The following HDAC5 variants were observed in gnomAD, a reference collection of about 807,000 sequenced individuals.
The protein encoded by HDAC5 is antigen NY-CO-9.
HDAC5 carries 25 observed loss-of-function variants against 133.3 expected under a neutral mutation model. That is an observed-to-expected ratio of 0.19 (90% CI 0.14 to 0.26). The LOEUF (loss-of-function observed/expected upper bound fraction) is 0.26. Among genes scored for constraint, HDAC5 ranks in the 10% least tolerant of loss-of-function variants. The probability of loss-of-function intolerance (pLI) is 1.00; values close to 1 mark genes in which losing one functional copy is unlikely to be tolerated. For missense variants in HDAC5, 1,041 were observed against 1,460.5 expected (o/e 0.71, Z 4.68); for synonymous variants, 589 against 610.8 (o/e 0.96, Z 0.53).
intron 3 of HDAC5, among the ~76,000 whole-genome samples, chr17:44,095,757 G>A (rs538650701): frequency 6.6e-6 from 1 of 152,060 alleles, no homozygotes; most frequent in African/African-American, 2.4e-5. Context: ...GAGGTGGGAG[G>A]AGGAGACAGG....
chr17:44,097,746 G>T (rs764668691), intron 3 of HDAC5, among the ~76,000 whole-genome samples: 17 of 152,260 alleles, frequency 1.1e-4, no homozygotes, highest in Non-Finnish European at 2.2e-4. Context: ...GCCCAGGGAA[G>T]GGCAGAGGTC....
intron 11 of HDAC5, among the ~76,000 whole-genome samples, chr17:44,089,212 C>G (rs1199484607): frequency 6.6e-6 from 1 of 152,226 alleles, no homozygotes; most frequent in East Asian, 1.9e-4. Context: ...ACCAAAATAT[C>G]TCATTGGTAA....
intron 9 of HDAC5, 88 bp downstream of exon 9, chr17:44,092,084 G>A (rs2143264058): frequency 8.2e-7 from 1 of 1,215,244 alleles, no homozygotes; most frequent in East Asian, 2.4e-5. Context: ...GGGCACTCAG[G>A]CAGACAGACT....
At chr17:44,108,761 AC>A (rs200192213) in intron 3 of HDAC5, among the ~76,000 whole-genome samples, 50,570 of 102,982 alleles carry the variant, frequency 0.49, 13,322 homozygotes, top group South Asian at 0.75. Context: ...CAAAAAAAAA[AC>A]AAAAAAAAAA....
chr17:44,085,219 A>G, intron 14 of HDAC5, 64 bp from the exon 15 acceptor site: 1 of 1,474,614 alleles, frequency 6.8e-7, no homozygotes, highest in Non-Finnish European at 9.2e-7. Context: ...CCTGGCTACC[A>G]TGATCCTCAG....
intron 3 of HDAC5, among the ~76,000 whole-genome samples, chr17:44,103,726 G>A (rs1488295119): frequency 1.8e-5 from 2 of 113,982 alleles, no homozygotes; most frequent in African/African-American, 6.6e-5. Context: ...TTTTTTTTTT[G>A]AGACGTAGTT....
Position 44,106,470 on chromosome 17 carries a change from C to T in HDAC5, c.94+4259G>A, listed in dbSNP as rs539141353. ...AGGTGGCATATTGCACATGGGCTCTCGTCTAAAGGGGTGAGTTGGGGCTGA... is the reference window on the plus strand; with the variant it reads ...AGGTGGCATATTGCACATGGGCTCTTGTCTAAAGGGGTGAGTTGGGGCTGA... On this transcript the variant is annotated intron_variant, in intron 3 of 26. Coordinates refer to ENST00000682912, the MANE Select transcript of HDAC5 (RefSeq NM_005474.5). Among the ~76,000 whole-genome samples, 120 of 152,264 alleles carry T rather than the reference C, an allele frequency of 7.9e-4. 1 individual carries two copies. The highest frequency in any genetic ancestry group is 2.1e-3 in the African/African-American group (87 of 41,554).
intron 2 of HDAC5, among the ~76,000 whole-genome samples, chr17:44,113,785 G>A (rs1361877392): frequency 6.6e-6 from 1 of 152,220 alleles, no homozygotes; most frequent in Non-Finnish European, 1.5e-5. Context: ...CATTTCCTGA[G>A]CCCAAAGGCT....
At chr17:44,107,399 G>A (rs935026809) in intron 3 of HDAC5, among the ~76,000 whole-genome samples, 3 of 152,140 alleles carry the variant, frequency 2.0e-5, no homozygotes, top group African/African-American at 7.2e-5. Flanking sequence ...CACGAGGTCA[G>A]GAGTTCGAGA....
Position 44,077,328 on chromosome 17 carries a change from G to T in HDAC5, c.*1048C>A, listed in dbSNP as rs1235443852. On this transcript the variant is annotated 3_prime_UTR_variant, in exon 27 of 27. Coordinates refer to ENST00000682912, the MANE Select transcript of HDAC5 (RefSeq NM_005474.5). ...GCTGGTGGTCAGCAAAGGGAGCCCAGAAGGTATGGAAGCTCCAGCTGAGAG... is the reference window on the plus strand; with the variant it reads ...GCTGGTGGTCAGCAAAGGGAGCCCATAAGGTATGGAAGCTCCAGCTGAGAG... The T allele has an allele frequency of 1.3e-5, 2 of 152,586 alleles. No individual in the cohort carries two copies. The highest frequency in any genetic ancestry group is 1.3e-4 in the Admixed American group (2 of 15,276). The allele number at this position is 152,586 out of a possible 1,614,324, so 9.5% of individuals were successfully genotyped here.
chr17:44,086,667 G>C lies in HDAC5; in HGVS notation c.1955C>G (p.Pro652Arg). The change falls in exon 14 of 27, where the codon CCC becomes CGC. Residue 652 changes from proline (P) to arginine (R), a missense_variant. Pro to Arg is a moderately radical substitution (Grantham distance 103). Coordinates refer to ENST00000682912, the MANE Select transcript of HDAC5 (RefSeq NM_005474.5). Reference sequence around the variant, plus strand: ...CTGGGTACGGCCCAGGGCCTGGTGGGGCACAGTGGCCAGGCTGAGGGGCGC... The same window carrying C: ...CTGGGTACGGCCCAGGGCCTGGTGGCGCACAGTGGCCAGGCTGAGGGGCGC... ...YQAPLSLATV[P>R]HQALGRTQSS... is the part of the protein sequence containing the mutation. 7.7e-7 allele frequency: 1 copy of C among 1,300,586 alleles called. No homozygotes were observed. Among genetic ancestry groups the C allele is most frequent in the East Asian group, 2.8e-5 (1 of 35,286 alleles). The allele number at this position is 1,300,586 out of a possible 1,614,324, so 80.6% of individuals were successfully genotyped here.
At chr17:44,084,698 G>A (rs757932769) in intron 15 of HDAC5, 23 bp from the exon 16 acceptor site, 4 of 1,612,874 alleles carry the variant, frequency 2.5e-6, no homozygotes, top group Admixed American at 3.3e-5. Flanking sequence ...TCAGTAAGAG[G>A]GGTCACACAA....
intron 13 of HDAC5, 58 bp downstream of exon 13, chr17:44,087,354 G>C: frequency 1.4e-6 from 1 of 716,398 alleles, no homozygotes. Context: ...GGCAGAGGCA[G>C]GGGTGGAGAA....
chr17:44,087,321 G>A, intron 13 of HDAC5, 91 bp downstream of exon 13: 1 of 685,260 alleles, frequency 1.5e-6, no homozygotes, highest in Non-Finnish European at 2.7e-6. Context: ...GGAAACTGCA[G>A]ATGGGGGAGA....
In HDAC5 at chr17:44,117,485, A is replaced by G. The variant is rs1025985804; in HGVS notation, c.22+9T>C. On this transcript the variant is annotated intron_variant, in intron 2 of 26. Coordinates refer to ENST00000682912, the MANE Select transcript of HDAC5 (RefSeq NM_005474.5). The surrounding 1 kb of genome is among the most constrained non-coding windows in gnomAD (Gnocchi z 4.2). ...CCAGGGTGCTCTTCTCCAACCTCCCAGCTCTTACCCGACTCGTTGGGAGAG... is the reference window on the plus strand; with the variant it reads ...CCAGGGTGCTCTTCTCCAACCTCCCGGCTCTTACCCGACTCGTTGGGAGAG... 4.3e-6 allele frequency: 7 copies of G among 1,613,992 alleles called. No homozygotes were observed. In the East Asian group the frequency reaches 1.3e-4, roughly 31 times the overall value.
rs988470843 is a variant in HDAC5, at chr17:44,123,574, T to C, written c.-260A>G. On this transcript the variant is annotated 5_prime_UTR_variant, in exon 1 of 27. Transcript: ENST00000682912. ...CGGCGGCGGCAGCGGCGGCAGCACC[T>C]CCTCGACGGCTCCTCCATCTTTGCG... The C allele has an allele frequency of 5.0e-6, 2 of 400,012 alleles. No individual in the cohort carries two copies. Among genetic ancestry groups the C allele is most frequent in the Non-Finnish European group, 8.8e-6 (2 of 228,000 alleles). The allele number at this position is 400,012 out of a possible 1,614,324, so 24.8% of individuals were successfully genotyped here. A position where few individuals can be genotyped will look rare whatever the true frequency, so the allele number is the denominator to read the frequency against.
chr17:44,087,591 G>GGGCTCC lies in HDAC5; in HGVS notation c.1699_1704dup (p.Gly567_Ala568dup). On this transcript the variant is annotated inframe_insertion, in exon 13 of 27. Coordinates refer to ENST00000682912, the MANE Select transcript of HDAC5 (RefSeq NM_005474.5). ...GTGGAGCCCTCCCGGGGCATGGTCA[G>GGGCTCC]GGCTCCCTCCCCCAGCAAGACCTCC... 6.2e-7 allele frequency: 1 copy of GGGCTCC among 1,614,062 alleles called. No homozygotes were observed. The highest frequency in any genetic ancestry group is 8.5e-7 in the Non-Finnish European group (1 of 1,180,000).
intron 20 of HDAC5, chr17:44,082,233 A>G (rs763306912): frequency 1.6e-5 from 5 of 305,178 alleles, no homozygotes; most frequent in Admixed American, 9.3e-5. Context: ...CCTGGTATAC[A>G]GTCTGCTCCT....
At chr17:44,113,073 C>G (rs1267077890) in intron 2 of HDAC5, among the ~76,000 whole-genome samples, 4 of 152,186 alleles carry the variant, frequency 2.6e-5, no homozygotes, top group Non-Finnish European at 5.9e-5. Context: ...CAACCCCTCC[C>G]AGCCCAGGAC....
Sources: gnomAD v4.1 joint callset for allele counts (sites outside exome capture counted in the v4.1 genomes callset) on GRCh38, gnomAD v4.1.1 for gene constraint, Gnocchi (gnomAD v3.1) non-coding constraint, MANE v1.5 for transcripts, NCBI Gene and HGNC (gene_info 2026-07-23, HGNC 2026-07-21) for gene names.